The following RSPH14 variants were observed in gnomAD, a reference collection of about 807,000 sequenced individuals.
RSPH14 encodes the protein radial spoke head 14 homolog, also known as rhabdoid tumor deletion region gene 1.
RSPH14 carries 20 observed loss-of-function variants against 26.7 expected under a neutral mutation model. That is an observed-to-expected ratio of 0.75 (90% CI 0.53 to 1.09). The LOEUF (loss-of-function observed/expected upper bound fraction) is 1.09, where lower values mean the gene tolerates loss of function less well. Among genes scored for constraint, RSPH14 ranks in the 50% least tolerant of loss-of-function variants. RSPH14 has a pLI of 0.00. For missense variants in RSPH14, 449 were observed against 457.2 expected (o/e 0.98, Z 0.16); for synonymous variants, 177 against 189.3 (o/e 0.93, Z 0.53).
chr22:23,089,281 G>C (rs1175999424), intron 4 of RSPH14, among the ~76,000 whole-genome samples: 2 of 152,212 alleles, frequency 1.3e-5, no homozygotes, highest in Admixed American at 1.3e-4. Flanking sequence ...GCCTCAGCCG[G>C]GGGCACTGAC....
chr22:23,124,229 TGG>T, intron 4 of RSPH14: 1 of 161,640 alleles, frequency 6.2e-6, no homozygotes, highest in South Asian at 1.7e-4. Context: ...TTTTTTTTTT[TGG>T]CCAAATCTCG....
At chr22:23,116,092 C>T (rs1484801290) in intron 4 of RSPH14, among the ~76,000 whole-genome samples, 2 of 152,278 alleles carry the variant, frequency 1.3e-5, no homozygotes, top group Non-Finnish European at 2.9e-5. Flanking sequence ...GTGCTCACCA[C>T]GTGCCCAGGA....
At chr22:23,150,133 G>A in the RSPH14 span, 586 of 1,612,338 alleles carry the variant, frequency 3.6e-4, 3 homozygotes, top group African/African-American at 6.6e-3. Flanking sequence ...GCCTGCCAAC[G>A]CAGGAACACG....
chr22:23,065,639 T>C (rs2068194063), intron 4 of RSPH14, among the ~76,000 whole-genome samples: 1 of 150,574 alleles, frequency 6.6e-6, no homozygotes, highest in Non-Finnish European at 1.5e-5. Flanking sequence ...CTGAGTCTAG[T>C]TTCCTTATCA....
chr22:23,081,928 A>G (rs1424975693), intron 4 of RSPH14, among the ~76,000 whole-genome samples: 2 of 151,274 alleles, frequency 1.3e-5, no homozygotes, highest in East Asian at 2.0e-4. Context: ...GATCGAGACC[A>G]TCCTGGCTAA....
chr22:23,131,634 C>T (rs2146432871), intron 4 of RSPH14: 1 of 1,304,136 alleles, frequency 7.7e-7, no homozygotes, highest in Non-Finnish European at 1.0e-6. Context: ...TGTCTCCACA[C>T]TCCAAGAATG....
chr22:23,118,767 C>T (rs1466974204), intron 4 of RSPH14, among the ~76,000 whole-genome samples: 3 of 152,220 alleles, frequency 2.0e-5, no homozygotes, highest in Non-Finnish European at 2.9e-5. Context: ...GGCCACATGA[C>T]TCCAAAGCTG....
intron 4 of RSPH14, among the ~76,000 whole-genome samples, chr22:23,094,559 G>A (rs2069071126): frequency 6.6e-6 from 1 of 152,202 alleles, no homozygotes; most frequent in South Asian, 2.1e-4. Flanking sequence ...CCAGCTCCTT[G>A]GTCTCAGCCC....
the RSPH14 span, among the ~76,000 whole-genome samples, chr22:23,157,651 A>T: frequency 6.6e-6 from 1 of 152,196 alleles, no homozygotes; most frequent in South Asian, 2.1e-4. Context: ...CAGGTGGGAA[A>T]ACTGAGGCTC....
chr22:23,116,041 G>A (rs2069823566), intron 4 of RSPH14, among the ~76,000 whole-genome samples: 1 of 152,260 alleles, frequency 6.6e-6, no homozygotes, highest in Non-Finnish European at 1.5e-5. Context: ...GGGTCCCACA[G>A]CAAACAACAA....
intron 4 of RSPH14, among the ~76,000 whole-genome samples, chr22:23,109,473 T>C (rs2069581584): frequency 6.6e-6 from 1 of 151,778 alleles, no homozygotes; most frequent in African/African-American, 2.4e-5. Flanking sequence ...AGGAGAGGGG[T>C]GGGTGCTGAG....
the RSPH14 span, chr22:23,161,889 A>C: frequency 2.8e-6 from 1 of 351,390 alleles, no homozygotes; most frequent in East Asian, 6.8e-5. Flanking sequence ...GAGGCCTCAG[A>C]ACTGCAAACT....
At position 23,070,757 on chromosome 22, in the gene RSPH14, T is replaced by G. The variant is rs1026739002; in HGVS notation, c.422-6624A>C. The G allele has an allele frequency of 4.0e-5, 6 of 150,370 alleles. No homozygotes were observed. In the East Asian group the frequency reaches 1.2e-3, roughly 30 times the overall value. The allele number at this position is 150,370 out of a possible 1,614,324, so 9.3% of individuals were successfully genotyped here. A position where few individuals can be genotyped will look rare whatever the true frequency, so the allele number is the denominator to read the frequency against. On this transcript the variant is annotated intron_variant, in intron 4 of 6. Coordinates refer to ENST00000216036, the MANE Select transcript of RSPH14 (RefSeq NM_014433.3). The stretch of plus-strand genomic sequence containing the variant: ...ACCAAGGGCGGGGACGCCTGCGAGG[T>G]GGGCAGGGGGCGGCCTCTGGTCGGG...
intron 6 of RSPH14, among the ~76,000 whole-genome samples, 186 bp from the exon 7 acceptor site, chr22:23,059,904 G>A (rs762548441): frequency 4.6e-5 from 7 of 152,200 alleles, no homozygotes; most frequent in Non-Finnish European, 8.8e-5. Context: ...GCCTGGGCCT[G>A]GCCTCTTCAT....
At chr22:23,115,217 C>A (rs977313116) in intron 4 of RSPH14, among the ~76,000 whole-genome samples, 8 of 152,144 alleles carry the variant, frequency 5.3e-5, no homozygotes, top group African/African-American at 1.9e-4. Flanking sequence ...ACTGGCATCA[C>A]CCACCTATTC....
chr22:23,123,066 C>G, intron 4 of RSPH14: 1 of 1,548,702 alleles, frequency 6.5e-7, no homozygotes, highest in Non-Finnish European at 8.9e-7. Context: ...CTGATTAACG[C>G]CAGTACTTTC....
At chr22:23,124,059 A>T (rs1346091607) in intron 4 of RSPH14, 1 of 227,198 alleles carries the variant, frequency 4.4e-6, no homozygotes, top group Non-Finnish European at 9.0e-6. Flanking sequence ...AACAGCTTCA[A>T]AATATGCAGC....
At chr22:23,145,625 C>T (rs1453061769), upstream of RSPH14, 49 of 1,470,382 alleles carry the variant, frequency 3.3e-5, no homozygotes, top group Non-Finnish European at 4.2e-5. Flanking sequence ...GAGGCCAGGG[C>T]CGCGAGGGCA....
rs1489682502 is a variant in RSPH14, at chr22:23,140,399, A to G, written c.22T>C (p.Leu8=). Residue 8 remains leucine, a synonymous_variant, in exon 2 of 7, where the codon TTG becomes CTG. Coordinates refer to ENST00000216036, the MANE Select transcript of RSPH14 (RefSeq NM_014433.3). MAHSQNS[L]ELPININATQ... is the part of the protein sequence containing the mutation. ...GCATTGATGTTAATGGGAAGCTCCA[A>G]GGAGTTCTGGGAATGGGCCATCTTT... is the stretch of plus-strand genomic sequence containing the variant. 1 of 1,614,208 alleles carries G rather than the reference A, an allele frequency of 6.2e-7. No homozygotes were observed. Among genetic ancestry groups the G allele is most frequent in the Admixed American group, 1.7e-5 (1 of 60,010 alleles).
Sources: allele counts gnomAD v4.1 joint callset (sites outside exome capture counted in the v4.1 genomes callset), GRCh38; gene constraint gnomAD v4.1.1; transcripts MANE v1.5; gene names NCBI Gene and HGNC (gene_info 2026-07-23, HGNC 2026-07-21).